The following OXR1 variants were observed in gnomAD, a reference collection of about 807,000 sequenced individuals.
OXR1 encodes the protein oxidation resistance 1.
Under a neutral mutation model 104.6 loss-of-function variants are expected in OXR1, and 41 were observed. The observed-to-expected ratio is 0.39, with a 90% CI of 0.31 to 0.51. The LOEUF (loss-of-function observed/expected upper bound fraction) is 0.51. Ranked by LOEUF, OXR1 falls within the 20% of genes least tolerant of loss-of-function variation. The pLI is 0.77. For synonymous variants in OXR1, 348 were observed against 348.4 expected (o/e 1.00, Z 0.01); for missense variants, 955 against 1,031.9 (o/e 0.93, Z 1.02).
At chr8:106,316,185 T>C (rs1813930678) in intron 1 of OXR1, among the ~76,000 whole-genome samples, 1 of 152,226 alleles carries the variant, frequency 6.6e-6, no homozygotes, top group African/African-American at 2.4e-5. Flanking sequence ...ACATATCAGA[T>C]GATTATATCA....
intron 2 of OXR1, among the ~76,000 whole-genome samples, chr8:106,393,637 G>A (rs1385766254): frequency 1.3e-5 from 2 of 151,906 alleles, no homozygotes; most frequent in South Asian, 2.1e-4. Context: ...GATGGTTTTT[G>A]TGAGTAATGA....
chr8:106,336,019 C>T (rs1475611028), intron 1 of OXR1, among the ~76,000 whole-genome samples: 1 of 152,114 alleles, frequency 6.6e-6, no homozygotes, highest in Non-Finnish European at 1.5e-5. Context: ...TCACCTGAAC[C>T]CCGGAGGCAG....
At chr8:106,710,574 A>T (rs1274241641) in intron 9 of OXR1, 48 bp from the exon 10 acceptor site, 1 of 1,307,316 alleles carries the variant, frequency 7.6e-7, no homozygotes. Context: ...AACTACCTAA[A>T]CTTGGTGTGT....
intron 3 of OXR1, among the ~76,000 whole-genome samples, chr8:106,669,956 G>C (rs1357651552): frequency 3.9e-5 from 6 of 152,084 alleles, no homozygotes; most frequent in Admixed American, 3.9e-4. Context: ...TTTTATTAAG[G>C]GTATCAGAAA....
At chr8:106,614,957 C>T (rs1821097868) in intron 3 of OXR1, among the ~76,000 whole-genome samples, 1 of 152,170 alleles carries the variant, frequency 6.6e-6, no homozygotes, top group South Asian at 2.1e-4. Context: ...CTAAAAACCA[C>T]ATGTATTTAT....
At chr8:106,443,790 C>T (rs941861128) in intron 2 of OXR1, among the ~76,000 whole-genome samples, 1 of 152,110 alleles carries the variant, frequency 6.6e-6, no homozygotes, top group Non-Finnish European at 1.5e-5. Context: ...TGGGCAAAGA[C>T]TTCATGACAA....
Position 106,519,122 on chromosome 8 carries a change from A to G in OXR1, c.203A>G (p.Lys68Arg), listed in dbSNP as rs1159509388. The change falls in exon 3 of 17, where the codon AAG (lysine) becomes AGG (arginine). Residue 68 changes from lysine to arginine, a missense_variant. Coordinates refer to ENST00000517566, the MANE Select transcript of OXR1 (RefSeq NM_001198533.2). Reference protein sequence around the residue: ...QKHPSRRSELKRFYTIDTGQK... With the variant: ...QKHPSRRSELRRFYTIDTGQK... ...CATCCTTCCAGAAGGAGCGAACTGA[A>G]GAGGTTCTACACAATTGGTGAGCAC... is the stretch of plus-strand genomic sequence containing the variant. 1 of 1,551,330 alleles carries G rather than the reference A, an allele frequency of 6.4e-7. No individual in the cohort carries two copies. The highest frequency in any genetic ancestry group is 1.4e-5 in the African/African-American group (1 of 73,142).
intron 3 of OXR1, among the ~76,000 whole-genome samples, chr8:106,602,450 T>C (rs111348427): frequency 1.1e-4 from 17 of 152,206 alleles, no homozygotes; most frequent in African/African-American, 4.1e-4. Context: ...AGCTGATAAA[T>C]ACAGTTTGGA....
At chr8:106,413,454 T>C (rs370106933) in intron 2 of OXR1, among the ~76,000 whole-genome samples, 31 of 152,204 alleles carry the variant, frequency 2.0e-4, no homozygotes, top group African/African-American at 6.5e-4. Context: ...TCTTTGAAAA[T>C]TTAAGGTATC....
intron 9 of OXR1, 83 bp downstream of exon 9, chr8:106,707,228 A>G (rs1259639020): frequency 8.2e-7 from 1 of 1,213,250 alleles, no homozygotes; most frequent in Admixed American, 1.8e-5. Flanking sequence ...AAGCCGCTGT[A>G]CCTTAGGGCA....
intron 3 of OXR1, among the ~76,000 whole-genome samples, chr8:106,526,724 T>C (rs971720233): frequency 1.3e-5 from 2 of 152,172 alleles, no homozygotes; most frequent in African/African-American, 4.8e-5. Context: ...TTTGTATTTT[T>C]AGTAGAGACA....
intron 2 of OXR1, among the ~76,000 whole-genome samples, chr8:106,434,101 T>C (rs1346654472): frequency 1.3e-5 from 2 of 151,788 alleles, no homozygotes; most frequent in Admixed American, 6.6e-5. Context: ...TTAAATCTCA[T>C]ACTTTTCTGA....
At chr8:106,494,969 G>A (rs1201161528) in intron 2 of OXR1, among the ~76,000 whole-genome samples, 2 of 152,100 alleles carry the variant, frequency 1.3e-5, no homozygotes, top group Non-Finnish European at 2.9e-5. Context: ...GATCATCACT[G>A]TGTTCCCAGC....
At chr8:106,307,585 T>C (rs1433192584) in intron 1 of OXR1, among the ~76,000 whole-genome samples, 2 of 152,216 alleles carry the variant, frequency 1.3e-5, no homozygotes, top group African/African-American at 4.8e-5. Context: ...TGTTCTGTTT[T>C]AATCTGTGTG....
chr8:106,432,630 G>T (rs1819406984), intron 2 of OXR1, among the ~76,000 whole-genome samples: 1 of 146,628 alleles, frequency 6.8e-6, no homozygotes, highest in Non-Finnish European at 1.5e-5. Context: ...CTCCCTTCAT[G>T]AACCCATACC....
At chr8:106,485,013 G>T (rs966087993) in intron 2 of OXR1, among the ~76,000 whole-genome samples, 1 of 150,652 alleles carries the variant, frequency 6.6e-6, no homozygotes, top group Non-Finnish European at 1.5e-5. Flanking sequence ...AAGAGCTCTC[G>T]AGCCATGAAA....
chr8:106,321,044 G>C (rs1026791153), intron 1 of OXR1, among the ~76,000 whole-genome samples: 2 of 152,142 alleles, frequency 1.3e-5, no homozygotes, highest in African/African-American at 4.8e-5. Flanking sequence ...ATTAATGCTC[G>C]TAAGACTTAG....
intron 11 of OXR1, among the ~76,000 whole-genome samples, chr8:106,718,365 C>T (rs1832468766): frequency 6.6e-6 from 1 of 152,038 alleles, no homozygotes; most frequent in Non-Finnish European, 1.5e-5. Context: ...CATATATTTA[C>T]TAAGAAAAAG....
chr8:106,581,797 A>G (rs761742963), intron 3 of OXR1, among the ~76,000 whole-genome samples: 2 of 151,966 alleles, frequency 1.3e-5, no homozygotes, highest in Admixed American at 6.6e-5. Flanking sequence ...GCCAAGGCAG[A>G]CAGATCATCT....
Sources: allele counts gnomAD v4.1 joint callset (sites outside exome capture counted in the v4.1 genomes callset), GRCh38; gene constraint gnomAD v4.1.1; transcripts MANE v1.5; gene names NCBI Gene and HGNC (gene_info 2026-07-23, HGNC 2026-07-21).